EBF4: variants seen among roughly 807,000 people sequenced by gnomAD.
The protein encoded by EBF4 is EBF transcription factor 4.
EBF4 carries 34 observed loss-of-function variants against 67.1 expected under a neutral mutation model. That is an observed-to-expected ratio of 0.51 (90% CI 0.39 to 0.67). The LOEUF is 0.67. EBF4 is among the 30% of genes least tolerant of loss of function. EBF4 has a pLI of 0.00. For synonymous variants in EBF4, 387 were observed against 377.7 expected (o/e 1.02, Z -0.29); for missense variants, 837 against 873.3 (o/e 0.96, Z 0.52).
chr20:2,735,372 G>T (rs1029507063), intron 6 of EBF4, among the ~76,000 whole-genome samples: 8 of 152,182 alleles, frequency 5.3e-5, no homozygotes, highest in Admixed American at 2.6e-4. Flanking sequence ...GGGAGTAGGG[G>T]ATGGGAATAG....
chr20:2,728,737 C>T (rs1335471456), intron 6 of EBF4, among the ~76,000 whole-genome samples: 14 of 152,030 alleles, frequency 9.2e-5, no homozygotes, highest in African/African-American at 3.4e-4. Context: ...CTGAGGTCTA[C>T]AAGAATACCT....
chr20:2,740,334 T>G (rs1249603360), intron 6 of EBF4, among the ~76,000 whole-genome samples: 2 of 152,206 alleles, frequency 1.3e-5, no homozygotes, highest in African/African-American at 4.8e-5. Flanking sequence ...AGATTTATGT[T>G]AATTAAAATG....
At chr20:2,708,401 G>T (rs1189422582) in intron 5 of EBF4, among the ~76,000 whole-genome samples, 2 of 152,216 alleles carry the variant, frequency 1.3e-5, no homozygotes, top group Non-Finnish European at 2.9e-5. Flanking sequence ...GAATCCTAGG[G>T]CAGCTCTCTG....
intron 1 of EBF4, among the ~76,000 whole-genome samples, chr20:2,698,374 C>A (rs528398554): frequency 8.7e-4 from 133 of 152,362 alleles, no homozygotes; most frequent in African/African-American, 3.1e-3. Context: ...GTGTGCCCCA[C>A]TGGGCTACTG....
intron 6 of EBF4, among the ~76,000 whole-genome samples, chr20:2,738,885 T>C (rs2087927226): frequency 6.6e-6 from 1 of 152,200 alleles, no homozygotes; most frequent in Admixed American, 6.5e-5. Context: ...GCCATTAGCA[T>C]AGAGGATGGG....
At position 2,697,831 on chromosome 20, in the gene EBF4, T is replaced by C. The variant is rs530557085; in HGVS notation, c.137+4049T>C. Among the ~76,000 whole-genome samples, 154 of 152,332 alleles carry C rather than the reference T, an allele frequency of 1.0e-3. 1 individual carries two copies. Among genetic ancestry groups the C allele is most frequent in the African/African-American group, 3.6e-3 (148 of 41,590 alleles). ...CAGCACAGAAGTAGCTCTCTTCTCC[T>C]TCTGATGTGCTTCCCAGTCTGGGGA... is the stretch of plus-strand genomic sequence containing the variant. On this transcript the variant is annotated intron_variant, in intron 1 of 16. Transcript: ENST00000609451.
Position 2,747,253 on chromosome 20 carries a change from A to G in EBF4, c.558-1296A>G, listed in dbSNP as rs1204471080. Among the ~76,000 whole-genome samples the G allele has an allele frequency of 6.6e-6, 1 of 151,442 alleles. No homozygotes were observed. The highest frequency in any genetic ancestry group is 1.5e-5 in the Non-Finnish European group (1 of 67,880). ...CTTGAACCCAGGAGGTGGAGGTTGC[A>G]GTGAGACATGGCGAGCCTGGGCAAC... On this transcript the variant is annotated intron_variant, in intron 6 of 16. Transcript: ENST00000609451. The surrounding 1 kb of genome is among the most constrained non-coding windows in gnomAD (Gnocchi z 4.6).
At chr20:2,757,438 T>C (rs924072520) in intron 15 of EBF4, among the ~76,000 whole-genome samples, 4 of 119,756 alleles carry the variant, frequency 3.3e-5, no homozygotes, top group African/African-American at 1.2e-4. Flanking sequence ...ACTCAAACAA[T>C]AACAGACTTT....
At chr20:2,737,156 A>G (rs982316570) in intron 6 of EBF4, among the ~76,000 whole-genome samples, 3 of 151,266 alleles carry the variant, frequency 2.0e-5, no homozygotes, top group Admixed American at 6.6e-5. Flanking sequence ...AGGCTGAGGC[A>G]GGAGAATGGC....
At chr20:2,752,685 A>G (rs2088175517) in intron 14 of EBF4, 140 bp downstream of exon 14, 2 of 729,204 alleles carry the variant, frequency 2.7e-6, no homozygotes, top group African/African-American at 3.7e-5. Context: ...GGTCAGGCCC[A>G]CCGTCCCCGC....
At chr20:2,734,542 T>C (rs1169366117) in intron 6 of EBF4, among the ~76,000 whole-genome samples, 1 of 152,266 alleles carries the variant, frequency 6.6e-6, no homozygotes, top group African/African-American at 2.4e-5. Flanking sequence ...CATAATTGTT[T>C]GTTGAAAACT....
chr20:2,736,925 G>A (rs936946575), intron 6 of EBF4, among the ~76,000 whole-genome samples: 1 of 152,216 alleles, frequency 6.6e-6, no homozygotes, highest in African/African-American at 2.4e-5. Flanking sequence ...TGAGACAGGA[G>A]CAGAGATTTG....
intron 6 of EBF4, among the ~76,000 whole-genome samples, chr20:2,735,971 A>G (rs7270181): frequency 0.37 from 56,321 of 152,116 alleles, 12,610 homozygotes; most frequent in African/African-American, 0.64. Context: ...TGATGAAAAT[A>G]TTCTGTACCA....
chr20:2,734,666 A>C (rs1176761846), intron 6 of EBF4, among the ~76,000 whole-genome samples: 1 of 152,142 alleles, frequency 6.6e-6, no homozygotes, highest in Non-Finnish European at 1.5e-5. Context: ...TAATTATATA[A>C]AGTCTATATT....
Position 2,707,667 on chromosome 20 carries a change from G to A in EBF4, c.415-280G>A, listed in dbSNP as rs2087477901. ...CCTGACCTTTGTCCTGGCACCCTGA[G>A]GAACCCCCTGCCCCAAGCAGAGCCA... On this transcript the variant is annotated intron_variant, in intron 4 of 16. Coordinates refer to ENST00000609451, the Ensembl canonical transcript of EBF4. The surrounding 1 kb of genome is among the most constrained non-coding windows in gnomAD (Gnocchi z 4.6). 6.6e-6 allele frequency among the ~76,000 whole-genome samples: 1 copy of A among 152,144 alleles called. No individual in the cohort carries two copies. Among genetic ancestry groups the A allele is most frequent in the African/African-American group, 2.4e-5 (1 of 41,442 alleles).
intron 6 of EBF4, among the ~76,000 whole-genome samples, chr20:2,728,516 A>G (rs908139973): frequency 6.6e-6 from 1 of 151,924 alleles, no homozygotes; most frequent in African/African-American, 2.4e-5. Context: ...AAGGGAAAAG[A>G]GGTTCGGGGG....
Position 2,693,577 on chromosome 20 carries a change from G to A in EBF4, c.-69G>A. On this transcript the variant is annotated 5_prime_UTR_variant, in exon 1 of 17. Transcript: ENST00000609451. The surrounding 1 kb of genome is among the most constrained non-coding windows in gnomAD (Gnocchi z 4.6). ...GCCTGGTGCCGTCGGGTCGGGCTGA[G>A]CTAGACGCCCGCAGCCTCAGCGGGA... 2.3e-6 allele frequency: 3 copies of A among 1,321,524 alleles called. No homozygotes were observed. The highest frequency in any genetic ancestry group is 2.9e-6 in the Non-Finnish European group (3 of 1,038,762). The allele number at this position is 1,321,524 out of a possible 1,614,324, so 81.9% of individuals were successfully genotyped here. A position where few individuals can be genotyped will look rare whatever the true frequency, so the allele number is the denominator to read the frequency against.
upstream of EBF4, chr20:2,693,429 C>A (rs529212703): frequency 9.1e-6 from 4 of 440,774 alleles, no homozygotes; most frequent in African/African-American, 2.0e-5. This position sits in a 1 kb window ranked among gnomAD's most constrained non-coding sequence, Gnocchi z 4.6. Flanking sequence ...TCCATCTCCC[C>A]GCCCAGCGCC....
intron 12 of EBF4, 39 bp downstream of exon 12, chr20:2,752,026 G>A (rs1283151465): frequency 6.6e-7 from 1 of 1,526,212 alleles, no homozygotes; most frequent in South Asian, 1.2e-5. Flanking sequence ...CCGGGACCGG[G>A]GCCCCCCAGC....
Sources: allele counts gnomAD v4.1 joint callset (sites outside exome capture counted in the v4.1 genomes callset), GRCh38; gene constraint gnomAD v4.1.1; non-coding constraint Gnocchi (gnomAD v3.1); transcripts MANE v1.5; gene names NCBI Gene and HGNC (gene_info 2026-07-23, HGNC 2026-07-21).